COL6A6: variants seen among roughly 807,000 people sequenced by gnomAD.
COL6A6 encodes collagen type VI alpha 6 chain, also known as collagen alpha-6(VI) chain.
Under a neutral mutation model 208.6 loss-of-function variants are expected in COL6A6, and 183 were observed. The ratio of observed to expected loss-of-function variants is 0.88; its 90% CI spans 0.78 to 0.99. The LOEUF is 0.99. Among genes scored for constraint, COL6A6 ranks in the 50% least tolerant of loss-of-function variants. COL6A6 has a pLI of 0.00. For missense variants in COL6A6, 2,816 were observed against 2,815.2 expected, an observed-to-expected ratio of 1.00 and a Z score of -0.01; for synonymous variants, 973 against 1,011.8, an observed-to-expected ratio of 0.96 and a Z score of 0.73.
chr3:130,668,041 A>G lies in COL6A6; in HGVS notation c.6596+2945A>G, dbSNP rs141844184. ...TAAAAAGCCAAGAAAGTTTCTTTAA[A>G]AAGGCCAAAAAAAAAGACAAGCAGA... On this transcript the variant is annotated intron_variant, in intron 36 of 36. Transcript: ENST00000358511. Among the ~76,000 whole-genome samples the G allele has an allele frequency of 1.0e-2, 1,517 of 151,858 alleles. 33 individuals carry two copies. The highest frequency in any genetic ancestry group is 0.034 in the African/African-American group (1,403 of 41,436).
intron 10 of COL6A6, among the ~76,000 whole-genome samples, chr3:130,582,869 G>T (rs2063457460): frequency 6.6e-6 from 1 of 152,200 alleles, no homozygotes; most frequent in Non-Finnish European, 1.5e-5. Flanking sequence ...TTGGGCAGCA[G>T]ATAAGATTAC....
At chr3:130,668,681 G>A (rs925418629) in intron 36 of COL6A6, among the ~76,000 whole-genome samples, 1 of 152,082 alleles carries the variant, frequency 6.6e-6, no homozygotes, top group Non-Finnish European at 1.5e-5. Context: ...TGATGACAAA[G>A]TGTTCAATTT....
In COL6A6 at chr3:130,608,907, A is replaced by T; in HGVS notation, c.4695A>T (p.Thr1565=). The change falls in exon 22 of 37, where the codon ACA becomes ACT. Residue 1565 remains threonine, a synonymous_variant. Coordinates refer to ENST00000358511, the MANE Select transcript of COL6A6 (RefSeq NM_001102608.3). ...GRRGHTGPQG[T]AGIPGPDGLE... ...TTGATTCTTTCTCGCCACAGGGAAC[A>T]GCAGGCATCCCAGGACCAGATGGAC... 3 of 1,613,196 alleles carry T rather than the reference A, an allele frequency of 1.9e-6. No individual in the cohort carries two copies. The highest frequency in any genetic ancestry group is 1.3e-5 in the African/African-American group (1 of 74,938).
chr3:130,525,569 T>C (rs2061942943), intron 1 of COL6A6, among the ~76,000 whole-genome samples: 1 of 152,208 alleles, frequency 6.6e-6, no homozygotes, highest in Admixed American at 6.5e-5. Context: ...CAAAAGTGAT[T>C]GGTTCTTCCT....
chr3:130,580,734 G>A (rs1321438129), intron 8 of COL6A6, among the ~76,000 whole-genome samples: 1 of 152,142 alleles, frequency 6.6e-6, no homozygotes, highest in African/African-American at 2.4e-5. Context: ...CTGCCTTTAG[G>A]ACACTCAGCT....
intron 1 of COL6A6, among the ~76,000 whole-genome samples, chr3:130,546,105 A>C (rs1577661667): frequency 6.6e-6 from 1 of 152,148 alleles, no homozygotes; most frequent in South Asian, 2.1e-4. Flanking sequence ...TGTGTCCAAA[A>C]TTCATGGGTT....
intron 12 of COL6A6, 76 bp downstream of exon 12, chr3:130,589,258 G>A (rs1352565346): frequency 6.0e-6 from 6 of 1,006,866 alleles, no homozygotes; most frequent in Admixed American, 4.1e-5. Flanking sequence ...TAGAAATAAG[G>A]GGTGATTTTT....
At position 130,658,879 on chromosome 3, in the gene COL6A6, G is replaced by A. The variant is rs2065870503; in HGVS notation, c.5830+107G>A. On this transcript the variant is annotated intron_variant, in intron 34 of 36. Coordinates refer to ENST00000358511, the MANE Select transcript of COL6A6 (RefSeq NM_001102608.3). ...GCAGCAGGGATACTTATGGCCTTGGGAGGACCTCTCTGGGGTTCTGGGCCC... is the reference window on the plus strand; with the variant it reads ...GCAGCAGGGATACTTATGGCCTTGGAAGGACCTCTCTGGGGTTCTGGGCCC... 4 of 754,456 alleles carry A rather than the reference G, an allele frequency of 5.3e-6. No individual in the cohort carries two copies. The Admixed American group carries it at 6.4e-5, about 12-fold the overall frequency. The allele number at this position is 754,456 out of a possible 1,614,324, so 46.7% of individuals were successfully genotyped here.
At chr3:130,561,722 G>A (rs1018745381) in intron 2 of COL6A6, among the ~76,000 whole-genome samples, 5 of 134,922 alleles carry the variant, frequency 3.7e-5, no homozygotes, top group African/African-American at 8.6e-5. Context: ...GCGCAATCTC[G>A]GCTCACTGCA....
intron 21 of COL6A6, among the ~76,000 whole-genome samples, chr3:130,607,536 C>T (rs1256922725): frequency 6.6e-6 from 1 of 152,000 alleles, no homozygotes; most frequent in East Asian, 1.9e-4. Context: ...GATAAATAAT[C>T]CACTCTCAAT....
At chr3:130,542,393 T>A (rs1192933286) in intron 1 of COL6A6, among the ~76,000 whole-genome samples, 2 of 152,180 alleles carry the variant, frequency 1.3e-5, no homozygotes, top group Non-Finnish European at 2.9e-5. Context: ...GAGCAGACAT[T>A]GTATGATTCC....
chr3:130,649,067 A>C lies in COL6A6; in HGVS notation c.5240-2A>C. 2 of 1,547,784 alleles carry C rather than the reference A, an allele frequency of 1.3e-6. No individual in the cohort carries two copies. The highest frequency in any genetic ancestry group is 1.7e-6 in the Non-Finnish European group (2 of 1,145,450). On this transcript the variant is annotated splice_acceptor_variant, in intron 32 of 36. Transcript: ENST00000358511. LOFTEE classifies it high-confidence loss of function. Reference sequence around the variant, plus strand: ...TATGTGTTAAGGGATATGGTCTTTTAGGAAAACCGGAATGCCCAGTGCACC... The same window carrying C: ...TATGTGTTAAGGGATATGGTCTTTTCGGAAAACCGGAATGCCCAGTGCACC...
chr3:130,618,713 T>C (rs558693215), intron 23 of COL6A6, among the ~76,000 whole-genome samples: 1 of 152,378 alleles, frequency 6.6e-6, no homozygotes, highest in South Asian at 2.1e-4. Flanking sequence ...TGCAAGATCC[T>C]GCATGGGAAA....
At chr3:130,553,227 T>C (rs1365729553) in intron 1 of COL6A6, among the ~76,000 whole-genome samples, 1 of 152,242 alleles carries the variant, frequency 6.6e-6, no homozygotes, top group Non-Finnish European at 1.5e-5. Flanking sequence ...ATGGATGACA[T>C]CCTGAAAAAT....
At chr3:130,651,567 T>C (rs945090526) in intron 33 of COL6A6, among the ~76,000 whole-genome samples, 3 of 152,188 alleles carry the variant, frequency 2.0e-5, no homozygotes, top group Admixed American at 2.0e-4. Flanking sequence ...AGTAGCATCA[T>C]TGAACTAACC....
intron 1 of COL6A6, among the ~76,000 whole-genome samples, chr3:130,521,691 A>G (rs1271750005): frequency 6.6e-6 from 1 of 152,196 alleles, no homozygotes; most frequent in Non-Finnish European, 1.5e-5. Context: ...TGAGGGCTTT[A>G]TCAGGCCTTG....
At chr3:130,517,549 C>G (rs1710813654) in intron 1 of COL6A6, among the ~76,000 whole-genome samples, 152 bp downstream of exon 1, 3 of 152,266 alleles carry the variant, frequency 2.0e-5, no homozygotes, top group Admixed American at 2.0e-4. Context: ...AGCTCAAAAA[C>G]TCCTCCTTTG....
In COL6A6 at chr3:130,675,325, T is replaced by A; in HGVS notation, c.6720T>A (p.Asn2240Lys). The A allele has an allele frequency of 3.1e-6, 5 of 1,600,272 alleles. No homozygotes were observed. Among genetic ancestry groups the A allele is most frequent in the Non-Finnish European group, 4.3e-6 (5 of 1,172,628 alleles). The change falls in exon 37 of 37, where the codon AAT becomes AAA. Residue 2240 changes from asparagine to lysine, a missense_variant. Physicochemically the swap from Asn to Lys is moderately conservative, Grantham distance 94. Coordinates refer to ENST00000358511, the MANE Select transcript of COL6A6 (RefSeq NM_001102608.3). ...GTGGCAGAGATGATGCTATTCAAAA[T>A]TTTATGAGAAGCACCTCCCATACCT... is the stretch of plus-strand genomic sequence containing the variant. ...ARSGRDDAIQ[N>K]FMRSTSHTFK...
intron 33 of COL6A6, among the ~76,000 whole-genome samples, chr3:130,654,032 T>G (rs78770541): frequency 6.6e-6 from 1 of 152,202 alleles, no homozygotes; most frequent in Non-Finnish European, 1.5e-5. Context: ...ACATGTAGAA[T>G]AGAAGACTAA....
Sources: gnomAD v4.1 joint callset for allele counts (sites outside exome capture counted in the v4.1 genomes callset) on GRCh38, gnomAD v4.1.1 for gene constraint, MANE v1.5 for transcripts, NCBI Gene and HGNC (gene_info 2026-07-23, HGNC 2026-07-21) for gene names.